APOB: variants seen among roughly 807,000 people sequenced by gnomAD.
APOB encodes the protein apolipoprotein B.
A neutral mutation model predicts 314.1 loss-of-function variants in APOB; 153 were observed. The observed-to-expected ratio is 0.49, with a 90% CI of 0.43 to 0.56. The LOEUF (loss-of-function observed/expected upper bound fraction) is 0.56, where lower values mean the gene tolerates loss of function less well. Among genes scored for constraint, APOB ranks in the 20% least tolerant of loss-of-function variants. APOB has a pLI of 0.00. For missense variants in APOB, 5,430 were observed against 5,350.7 expected (o/e 1.01, Z -0.46); for synonymous variants, 2,087 against 2,036.4 (o/e 1.02, Z -0.67).
rs1458181795 is a variant in APOB at position 21,035,650 on chromosome 2, G to A, written c.752C>T (p.Ala251Val). 1 of 1,613,992 alleles carries A rather than the reference G, an allele frequency of 6.2e-7. No individual in the cohort carries two copies. Among genetic ancestry groups the A allele is most frequent in the African/African-American group, 1.3e-5 (1 of 74,928 alleles). Residue 251 changes from alanine to valine, a missense_variant, in exon 7 of 29, where the codon GCT becomes GTT. By Grantham distance (64) the Ala-to-Val change is moderately conservative (BLOSUM62 0). This residue lies in a region of APOB where 2,085 missense variants were observed against 2,079.7 expected (regional missense o/e 1.00). Coordinates refer to ENST00000233242, the MANE Select transcript of APOB (RefSeq NM_000384.3). Reference sequence around the variant, plus strand: ...GGCTTCTGCCACATGCTTCCTCTTAGCGTCCAGTGTGTACTGACAGGACTG... The same window carrying A: ...GGCTTCTGCCACATGCTTCCTCTTAACGTCCAGTGTGTACTGACAGGACTG... ...SSQSCQYTLD[A>V]KRKHVAEAIC...
In APOB at chr2:21,002,578, C is replaced by G. The variant is rs1663015992; in HGVS notation, c.12844G>C (p.Glu4282Gln). Residue 4282 changes from glutamate (E) to glutamine (Q), a missense_variant, in exon 29 of 29, where the codon GAG becomes CAG. Physicochemically the swap from Glu to Gln is conservative, Grantham distance 29 (BLOSUM62 2). Transcript: ENST00000233242. Reference sequence around the variant, plus strand: ...AGAGACTGAATGGCTTTAAATACCTCTTGGGCTTCTTTTGATAAATCTTTC... The same window carrying G: ...AGAGACTGAATGGCTTTAAATACCTGTTGGGCTTCTTTTGATAAATCTTTC... The part of the protein sequence containing the change: ...LLKDLSKEAQ[E>Q]VFKAIQSLKT... 1 of 1,614,052 alleles carries G rather than the reference C, an allele frequency of 6.2e-7. No individual in the cohort carries two copies. Among genetic ancestry groups the G allele is most frequent in the Non-Finnish European group, 8.5e-7 (1 of 1,179,964 alleles).
chr2:21,002,404 AATCACTGAAG>A lies in APOB; in HGVS notation c.13008_13017del (p.Phe4337IlefsTer9). On this transcript the variant is annotated frameshift_variant, in exon 29 of 29. Transcript: ENST00000233242. LOFTEE classifies it low-confidence loss of function (END_TRUNC). ...AACAATTTAAAAACATATGGGATAT[AATCACTGAAG>A]ATTGTGTTGATCTCATCTTGGATAT... 3 of 1,602,216 alleles carry A rather than the reference AATCACTGAAG, an allele frequency of 1.9e-6. No individual in the cohort carries two copies. The highest frequency in any genetic ancestry group is 2.6e-6 in the Non-Finnish European group (3 of 1,173,298).
rs1663351751 is a variant in APOB, at chr2:21,012,440, T to C, written c.4428A>G (p.Lys1476=). 2.5e-6 allele frequency: 4 copies of C among 1,614,198 alleles called. No homozygotes were observed. The highest frequency in any genetic ancestry group is 3.4e-6 in the Non-Finnish European group (4 of 1,180,020). ...TGACTTCTTTGACAAACAAATGCTG[T>C]TTCTTTTTGGAGTCCAAATGAACTG... ...SASVHLDSKK[K]QHLFVKEVKI... Residue 1476 remains lysine, a synonymous_variant, in exon 26 of 29, where the codon AAA becomes AAG. Transcript: ENST00000233242.
intron 13 of APOB, 112 bp downstream of exon 13, chr2:21,028,215 G>A: frequency 2.6e-6 from 3 of 1,165,630 alleles, no homozygotes; most frequent in African/African-American, 1.5e-5. Context: ...CTACACATTT[G>A]CACAAGTGTT....
intron 3 of APOB, among the ~76,000 whole-genome samples, 200 bp downstream of exon 3, chr2:21,042,161 G>A (rs1664146584): frequency 6.6e-6 from 1 of 152,148 alleles, no homozygotes; most frequent in African/African-American, 2.4e-5. Flanking sequence ...ATTTGGTGGG[G>A]GCAGACCACA....
Position 21,009,060 on chromosome 2 carries a change from C to T in APOB, c.7808G>A (p.Ser2603Asn). The change falls in exon 26 of 29, where the codon AGT becomes AAT. Residue 2603 changes from serine (S) to asparagine (N), a missense_variant. Around this residue, in one of 3 missense-constraint regions of APOB, gnomAD observed 3,281 missense variants for 3,171.0 expected, o/e 1.03. Coordinates refer to ENST00000233242, the MANE Select transcript of APOB (RefSeq NM_000384.3). ...GGTAGCTTTCTGAAGAGCCTGAAGA[C>T]TGACTTCAAAGGCAGGCATGGTCCC... ...ILGTMPAFEV[S>N]LQALQKATFQ... 1.2e-6 allele frequency: 2 copies of T among 1,614,054 alleles called. No homozygotes were observed. Among genetic ancestry groups the T allele is most frequent in the Non-Finnish European group, 1.7e-6 (2 of 1,179,946 alleles).
rs12720845 is a variant in APOB at position 21,041,227 on chromosome 2, T to C, written c.238-144A>G. On this transcript the variant is annotated intron_variant, in intron 3 of 28. Coordinates refer to ENST00000233242, the MANE Select transcript of APOB (RefSeq NM_000384.3). ...TGCCTGCGCCTCAACACCACATGCCTTATCAACATGCCTCCTGGGTTCTCT... is the reference window on the plus strand; with the variant it reads ...TGCCTGCGCCTCAACACCACATGCCCTATCAACATGCCTCCTGGGTTCTCT... 3.8e-4 allele frequency: 307 copies of C among 805,066 alleles called. 2 individuals carry two copies. The highest frequency in any genetic ancestry group is 5.8e-4 in the Non-Finnish European group (285 of 490,624). 49.9% of individuals were successfully genotyped at this position (805,066 alleles called of 1,614,324 possible). A position where few individuals can be genotyped will look rare whatever the true frequency, so the allele number is the denominator to read the frequency against.
chr2:21,015,345 C>T, intron 22 of APOB, 25 bp downstream of exon 22: 1 of 1,614,050 alleles, frequency 6.2e-7, no homozygotes, highest in Non-Finnish European at 8.5e-7. Context: ...TTTGGAAGTG[C>T]TCACACAGGG....
chr2:21,015,301 A>T, intron 22 of APOB, 41 bp from the exon 23 acceptor site: 1 of 1,613,204 alleles, frequency 6.2e-7, no homozygotes, highest in Admixed American at 1.7e-5. Flanking sequence ...GTACTAGTTC[A>T]GCCTGTAACC....
intron 5 of APOB, 62 bp from the exon 6 acceptor site, chr2:21,037,317 GA>G: frequency 6.6e-7 from 1 of 1,523,530 alleles, no homozygotes; most frequent in African/African-American, 1.4e-5. Flanking sequence ...GGGTACTTGG[GA>G]GGGATGGGGT....
rs202121925 is a variant in APOB at position 21,032,311 on chromosome 2, G to A, written c.1352+43C>T. ...ACAGAGATGCACAGAGGTGCAAGAT[G>A]TTCCTCTGCTCCTAGGAGGAGAAAT... On this transcript the variant is annotated intron_variant, in intron 10 of 28. Transcript: ENST00000233242. 8.1e-5 allele frequency: 125 copies of A among 1,549,062 alleles called. No individual in the cohort carries two copies. The African/African-American group carries it at 1.4e-3, about 17-fold the overall frequency.
Position 21,008,719 on chromosome 2 carries a change from C to T in APOB, c.8149G>A (p.Ala2717Thr), listed in dbSNP as rs753292024. Residue 2717 changes from alanine to threonine, a missense_variant, in exon 26 of 29, where the codon GCA becomes ACA. Around this residue, in one of 3 missense-constraint regions of APOB, gnomAD observed 3,281 missense variants for 3,171.0 expected, o/e 1.03. Transcript: ENST00000233242. ...TLPDFRLPEIAIPEFIIPTLN... is the reference protein window; with the variant it reads ...TLPDFRLPEITIPEFIIPTLN... ...GTTGGGATTATGAATTCTGGAATTG[C>T]GATTTCTGGTAAACGGAAGTCTGGC... 23 of 1,613,870 alleles carry T rather than the reference C, an allele frequency of 1.4e-5. No individual in the cohort carries two copies. The African/African-American group carries it at 1.5e-4, about 10-fold the overall frequency.
At chr2:21,023,250 G>C (rs758991560) in intron 17 of APOB, among the ~76,000 whole-genome samples, 5 of 152,190 alleles carry the variant, frequency 3.3e-5, no homozygotes, top group Non-Finnish European at 5.9e-5. Context: ...AAGCACCTGA[G>C]TTAACGTGAG....
chr2:21,035,747 C>T, intron 6 of APOB, 39 bp from the exon 7 acceptor site: 1 of 1,610,258 alleles, frequency 6.2e-7, no homozygotes, highest in South Asian at 1.1e-5. Flanking sequence ...TGATCAGTCC[C>T]TGTATCTTCT....
At chr2:21,025,851 C>T (rs764351924) in intron 15 of APOB, among the ~76,000 whole-genome samples, 4 of 152,222 alleles carry the variant, frequency 2.6e-5, no homozygotes, top group Non-Finnish European at 5.9e-5. Flanking sequence ...CCAGACCACA[C>T]TTTGGGTAGC....
rs1312690938 is a variant in APOB at position 21,005,355 on chromosome 2, A to G, written c.11513T>C (p.Leu3838Ser). The G allele has an allele frequency of 6.2e-7, 1 of 1,614,132 alleles. No individual in the cohort carries two copies. The highest frequency in any genetic ancestry group is 1.7e-5 in the Admixed American group (1 of 60,024). The change falls in exon 26 of 29, where the codon TTG becomes TCG. Residue 3838 changes from leucine to serine, a missense_variant. Leu to Ser is a moderately radical substitution (Grantham distance 145, BLOSUM62 -2). Transcript: ENST00000233242. ...CTTGTTGGCTACTGCATTTAGATCC[A>G]AAGCAGCAATGCCATCTGAAACACT... is the stretch of plus-strand genomic sequence containing the variant. The part of the protein sequence containing the change: ...PKSVSDGIAA[L>S]DLNAVANKIA...
In APOB at chr2:21,005,148, T is replaced by C. The variant is rs61746686; in HGVS notation, c.11720A>G (p.Asp3907Gly). ...TWSASLKNKA[D>G]YVETVLDSTC... ...GGAATCCAGGACTGTTTCAACATAA[T>C]CTGCTTTGTTTTTCAAACTGGCACT... The change falls in exon 26 of 29, where the codon GAT (aspartate) becomes GGT (glycine). Residue 3907 changes from aspartate (D) to glycine (G), a missense_variant. Physicochemically the swap from Asp to Gly is moderately conservative, Grantham distance 94. Coordinates refer to ENST00000233242, the MANE Select transcript of APOB (RefSeq NM_000384.3). 7.7e-5 allele frequency: 124 copies of C among 1,614,054 alleles called. No individual in the cohort carries two copies. In the African/African-American group the frequency reaches 1.1e-3, roughly 15 times the overall value.
chr2:21,005,591 T>C lies in APOB; in HGVS notation c.11277A>G (p.Pro3759=), dbSNP rs1198414896. The part of the protein sequence containing the change: ...FHVPFTDLQV[P]SCKLDFREIQ... ...TTTCTCTGAAGTCAAGTTTGCACGA[T>C]GGAACCTGAAGATCTGTAAATGGGA... Residue 3759 remains proline, a synonymous_variant, in exon 26 of 29, where the codon CCA becomes CCG. Transcript: ENST00000233242. 1 of 1,614,078 alleles carries C rather than the reference T, an allele frequency of 6.2e-7. No individual in the cohort carries two copies. The highest frequency in any genetic ancestry group is 1.1e-5 in the South Asian group (1 of 91,080).
chr2:21,006,892 T>C lies in APOB; in HGVS notation c.9976A>G (p.Ile3326Val), dbSNP rs769629968. ...SLPDFKELCT[I>V]SHIFIPAMGN... Reference sequence around the variant, plus strand: ...ATGGCAGGAATAAAAATATGGCTTATGGTACACAATTCCTTGAAATCTGGA... The same window carrying C: ...ATGGCAGGAATAAAAATATGGCTTACGGTACACAATTCCTTGAAATCTGGA... The change falls in exon 26 of 29, where the codon ATA becomes GTA. Residue 3326 changes from isoleucine (I) to valine (V), a missense_variant. By Grantham distance (29) the Ile-to-Val change is conservative (BLOSUM62 3). Around this residue, in one of 3 missense-constraint regions of APOB, gnomAD observed 3,281 missense variants for 3,171.0 expected, o/e 1.03. Transcript: ENST00000233242. 1.2e-6 allele frequency: 2 copies of C among 1,614,084 alleles called. No homozygotes were observed. The highest frequency in any genetic ancestry group is 1.3e-5 in the African/African-American group (1 of 75,034).
Sources: allele counts gnomAD v4.1 joint callset (sites outside exome capture counted in the v4.1 genomes callset), GRCh38; gene constraint gnomAD v4.1.1; regional missense constraint gnomAD v4.1.1; transcripts MANE v1.5; gene names NCBI Gene and HGNC (gene_info 2026-07-23, HGNC 2026-07-21).